RELN: variants seen among roughly 807,000 people sequenced by gnomAD.
The protein encoded by RELN is reelin.
Under a neutral mutation model 427.6 loss-of-function variants are expected in RELN, and 108 were observed. The ratio of observed to expected loss-of-function variants is 0.25; its 90% CI spans 0.22 to 0.30. The LOEUF (loss-of-function observed/expected upper bound fraction) is 0.30. Among genes scored for constraint, RELN ranks in the 10% least tolerant of loss-of-function variants. RELN has a pLI of 1.00. For synonymous variants in RELN, 1,524 were observed against 1,513.4 expected (o/e 1.01, Z -0.16); for missense variants, 3,715 against 4,302.8 (o/e 0.86, Z 3.82).
intron 3 of RELN, among the ~76,000 whole-genome samples, chr7:103,820,855 C>T (rs145529443): frequency 4.6e-5 from 7 of 151,930 alleles, no homozygotes; most frequent in Non-Finnish European, 7.4e-5. Flanking sequence ...CTGATAATAG[C>T]ACACACACAC....
chr7:103,671,178 T>C (rs962120773), intron 11 of RELN, among the ~76,000 whole-genome samples: 2 of 152,148 alleles, frequency 1.3e-5, no homozygotes, highest in African/African-American at 4.8e-5. Flanking sequence ...GCAAGATGTA[T>C]ACTTTGAATG....
At chr7:103,588,724 C>A (rs1831337708) in intron 28 of RELN, among the ~76,000 whole-genome samples, 1 of 152,098 alleles carries the variant, frequency 6.6e-6, no homozygotes, top group Non-Finnish European at 1.5e-5. Context: ...ACATTGTAGA[C>A]CACAACCAGT....
intron 1 of RELN, among the ~76,000 whole-genome samples, chr7:103,931,917 G>T (rs1795875027): frequency 6.6e-6 from 1 of 152,046 alleles, no homozygotes; most frequent in Non-Finnish European, 1.5e-5. Flanking sequence ...TCAATAAGAA[G>T]GACACAATAC....
chr7:103,508,024 A>C (rs1584247309), intron 51 of RELN, among the ~76,000 whole-genome samples: 1 of 152,362 alleles, frequency 6.6e-6, no homozygotes, highest in East Asian at 1.9e-4. Context: ...ACAATTTCTG[A>C]AATTGAGGCA....
chr7:103,574,370 G>T, intron 29 of RELN, 71 bp from the exon 30 acceptor site: 1 of 1,276,044 alleles, frequency 7.8e-7, no homozygotes, highest in East Asian at 2.3e-5. Flanking sequence ...TTCAACACAT[G>T]GGCAAAGGAA....
Position 103,805,362 on chromosome 7 carries a change from C to T in RELN, c.473+28175G>A, listed in dbSNP as rs77114710. Among the ~76,000 whole-genome samples, 1,023 of 152,278 alleles carry T rather than the reference C, an allele frequency of 6.7e-3. 6 individuals are homozygous for T. Among genetic ancestry groups the T allele is most frequent in the Non-Finnish European group, 9.9e-3 (671 of 68,020 alleles). ...TTCTAACCAACTTTAGATATACGAACGTGCATGTGAAATGAGTACATATGT... is the reference window on the plus strand; with the variant it reads ...TTCTAACCAACTTTAGATATACGAATGTGCATGTGAAATGAGTACATATGT... On this transcript the variant is annotated intron_variant, in intron 3 of 64. Transcript: ENST00000428762.
rs543136460 is a variant in RELN at position 103,563,281 on chromosome 7, T to C, written c.5211-1328A>G. 3.3e-5 allele frequency among the ~76,000 whole-genome samples: 5 copies of C among 152,320 alleles called. No individual in the cohort carries two copies. In the East Asian group the frequency reaches 9.6e-4, roughly 29 times the overall value. On this transcript the variant is annotated intron_variant, in intron 34 of 64. Coordinates refer to ENST00000428762, the MANE Select transcript of RELN (RefSeq NM_005045.4). The surrounding 1 kb of genome is among the most constrained non-coding windows in gnomAD (Gnocchi z 4.1). ...CATTTATGACAATGGTCTCATAAGATTATAATGGATCTGAAAAAAAATTCC... is the reference window on the plus strand; with the variant it reads ...CATTTATGACAATGGTCTCATAAGACTATAATGGATCTGAAAAAAAATTCC...
intron 1 of RELN, among the ~76,000 whole-genome samples, chr7:103,981,711 C>T (rs998879380): frequency 4.6e-5 from 7 of 152,216 alleles, no homozygotes; most frequent in African/African-American, 1.7e-4. Context: ...GACCCAGCTC[C>T]CTCTAAAGTT....
In RELN at chr7:103,890,736, A is replaced by C. The variant is rs192282900; in HGVS notation, c.337+26339T>G. On this transcript the variant is annotated intron_variant, in intron 2 of 64. Coordinates refer to ENST00000428762, the MANE Select transcript of RELN (RefSeq NM_005045.4). ...GCACCAGGCCATGGTAGGACCCCAG[A>C]GTCCTGTCCTGTCTCTGAATCACAA... 3.3e-3 allele frequency among the ~76,000 whole-genome samples: 506 copies of C among 152,298 alleles called. 1 individual carries two copies. Among genetic ancestry groups the C allele is most frequent in the Non-Finnish European group, 5.9e-3 (403 of 68,026 alleles).
At chr7:103,783,037 T>A (rs1791931057) in intron 3 of RELN, among the ~76,000 whole-genome samples, 1 of 152,082 alleles carries the variant, frequency 6.6e-6, no homozygotes, top group African/African-American at 2.4e-5. Flanking sequence ...ACTAAATATG[T>A]GGAATATGGG....
At chr7:103,627,167 C>T (rs1025662907) in intron 20 of RELN, among the ~76,000 whole-genome samples, 1 of 151,982 alleles carries the variant, frequency 6.6e-6, no homozygotes, top group Non-Finnish European at 1.5e-5. Context: ...TGTAAGACCA[C>T]ATATATATTT....
In RELN at chr7:103,553,673, A is replaced by G. The variant is rs1311552502; in HGVS notation, c.5956T>C (p.Ser1986Pro). The G allele has an allele frequency of 6.2e-7, 1 of 1,613,974 alleles. No individual in the cohort carries two copies. The highest frequency in any genetic ancestry group is 8.5e-7 in the Non-Finnish European group (1 of 1,180,016). Residue 1986 changes from serine to proline, a missense_variant, in exon 39 of 65, where the codon TCA (serine) becomes CCA (proline). This residue lies in a region of RELN where 1,310 missense variants were observed against 1,643.0 expected (regional missense o/e 0.80). Coordinates refer to ENST00000428762, the MANE Select transcript of RELN (RefSeq NM_005045.4). The part of the protein sequence containing the change: ...GNIGLYCPYS[S>P]KGAPEEDSAM... ...CTTAATACTTACGGTGCCCCCTTTGAAGAATATGGACAATAAAGACCGATG... is the reference window on the plus strand; with the variant it reads ...CTTAATACTTACGGTGCCCCCTTTGGAGAATATGGACAATAAAGACCGATG...
chr7:103,521,884 G>C, intron 48 of RELN, 138 bp downstream of exon 48: 2 of 786,328 alleles, frequency 2.5e-6, no homozygotes, highest in Non-Finnish European at 4.4e-6. Context: ...GTATAAAGTT[G>C]CAAGTTCAGA....
intron 2 of RELN, among the ~76,000 whole-genome samples, chr7:103,901,317 T>A (rs1489489954): frequency 2.0e-5 from 3 of 152,004 alleles, no homozygotes; most frequent in African/African-American, 2.4e-5. Flanking sequence ...GAATGTAAAA[T>A]GGTACAGTTG....
chr7:103,803,440 G>A (rs550866964), intron 3 of RELN, among the ~76,000 whole-genome samples: 8 of 152,176 alleles, frequency 5.3e-5, no homozygotes, highest in Admixed American at 1.3e-4. Flanking sequence ...AGAAGTCAGA[G>A]ATTGGACAAT....
chr7:103,635,340 C>G, intron 19 of RELN, 85 bp downstream of exon 19: 1 of 1,479,442 alleles, frequency 6.8e-7, no homozygotes, highest in Middle Eastern at 2.3e-4. Context: ...GGAAAAATAT[C>G]TAGAATTTTA....
At chr7:103,696,803 G>C (rs1468055993) in intron 10 of RELN, among the ~76,000 whole-genome samples, 1 of 151,848 alleles carries the variant, frequency 6.6e-6, no homozygotes, top group Non-Finnish European at 1.5e-5. Flanking sequence ...ATCCTCAAAG[G>C]GATATTTCAA....
intron 20 of RELN, among the ~76,000 whole-genome samples, chr7:103,622,799 G>T (rs1832249429): frequency 7.1e-6 from 1 of 140,070 alleles, no homozygotes; most frequent in African/African-American, 2.5e-5. Context: ...ATCACGGTCT[G>T]GAATATTATC....
chr7:103,603,307 G>T lies in RELN; in HGVS notation c.3330C>A (p.Ser1110Arg). 1 of 1,613,078 alleles carries T rather than the reference G, an allele frequency of 6.2e-7. No individual in the cohort carries two copies. Among genetic ancestry groups the T allele is most frequent in the South Asian group, 1.1e-5 (1 of 91,066 alleles). ...TTATCCCAGCTGTTGGTCATACCTTGCTGAAGTACAGAGATGATCCAGAAG... is the reference window on the plus strand; with the variant it reads ...TTATCCCAGCTGTTGGTCATACCTTTCTGAAGTACAGAGATGATCCAGAAG... Reference protein sequence around the residue: ...VISSGSSLYFSKAGKRQLVSW... With the variant: ...VISSGSSLYFRKAGKRQLVSW... The change falls in exon 24 of 65, where the codon AGC (serine) becomes AGA (arginine). Residue 1110 changes from serine (S) to arginine (R), a missense_variant. Physicochemically the swap from Ser to Arg is moderately radical, Grantham distance 110. Coordinates refer to ENST00000428762, the MANE Select transcript of RELN (RefSeq NM_005045.4). This position sits in a 1 kb window ranked among gnomAD's most constrained non-coding sequence, Gnocchi z 4.3.
Sources: gnomAD v4.1 joint callset for allele counts (sites outside exome capture counted in the v4.1 genomes callset) on GRCh38, gnomAD v4.1.1 for gene constraint, gnomAD v4.1.1 regional missense constraint, Gnocchi (gnomAD v3.1) non-coding constraint, MANE v1.5 for transcripts, NCBI Gene and HGNC (gene_info 2026-07-23, HGNC 2026-07-21) for gene names.